PDE1A: variants seen among roughly 807,000 people sequenced by gnomAD.
PDE1A encodes dual specificity calcium/calmodulin-dependent 3',5'-cyclic nucleotide phosphodiesterase 1A.
PDE1A carries 35 observed loss-of-function variants against 61.7 expected under a neutral mutation model. That is an observed-to-expected ratio of 0.57 (90% CI 0.43 to 0.75). The LOEUF (loss-of-function observed/expected upper bound fraction) is 0.75, where lower values mean the gene tolerates loss of function less well. Ranked by LOEUF, PDE1A falls within the 30% of genes least tolerant of loss-of-function variation. The pLI is 0.00. For synonymous variants in PDE1A, 232 were observed against 213.2 expected, an observed-to-expected ratio of 1.09 and a Z score of -0.77; for missense variants, 597 against 630.6, an observed-to-expected ratio of 0.95 and a Z score of 0.57.
chr2:182,634,391 G>A, the PDE1A span, among the ~76,000 whole-genome samples: 1 of 152,072 alleles, frequency 6.6e-6, no homozygotes, highest in Non-Finnish European at 1.5e-5. Context: ...AGAGAAAGCA[G>A]CTTTCTATCT....
At chr2:182,164,920 C>T (rs968235030), downstream of PDE1A, among the ~76,000 whole-genome samples, 2 of 151,920 alleles carry the variant, frequency 1.3e-5, no homozygotes, top group Admixed American at 1.3e-4. Flanking sequence ...CCATCCTATT[C>T]CACACAGCAT....
intron 13 of PDE1A, among the ~76,000 whole-genome samples, chr2:182,156,355 T>TG (rs1691080993): frequency 6.6e-6 from 1 of 151,798 alleles, no homozygotes; most frequent in Non-Finnish European, 1.5e-5. Context: ...TTCAACACTT[T>TG]TTTTTTTTTA....
chr2:182,662,335 A>C, the PDE1A span, among the ~76,000 whole-genome samples: 1 of 73,478 alleles, frequency 1.4e-5, no homozygotes, highest in Non-Finnish European at 2.8e-5. Context: ...AAATTGAAAA[A>C]AAAAAGAAAA....
chr2:182,171,660 T>C (rs1692226273), intron 13 of PDE1A, among the ~76,000 whole-genome samples: 1 of 151,662 alleles, frequency 6.6e-6, no homozygotes, highest in East Asian at 1.9e-4. Flanking sequence ...GGAGCGGGGC[T>C]AATTATTGGG....
the PDE1A span, among the ~76,000 whole-genome samples, chr2:182,681,941 C>T: frequency 3.9e-5 from 6 of 152,170 alleles, no homozygotes; most frequent in Admixed American, 1.3e-4. Flanking sequence ...CCACCATGCC[C>T]GGCCTACTCT....
intron 1 of PDE1A, among the ~76,000 whole-genome samples, chr2:182,364,640 C>G (rs1699734154): frequency 6.6e-6 from 1 of 151,632 alleles, no homozygotes; most frequent in Non-Finnish European, 1.5e-5. Context: ...ATTTTAATAT[C>G]TTACTATATT....
Position 182,478,347 on chromosome 2 carries a change from G to GAA in PDE1A, c.101+43927_101+43928dup, listed in dbSNP as rs34019486. ...CTGAGCTGGTTATTCCTGCTATGCA[G>GAA]AAAAAAAAAAATAGTGCTCTATCAT... On this transcript the variant is annotated intron_variant, in intron 2 of 14. Transcript: ENST00000410103. Among the ~76,000 whole-genome samples, 97 of 148,390 alleles carry GAA rather than the reference G, an allele frequency of 6.5e-4. 1 individual carries two copies. Among genetic ancestry groups the GAA allele is most frequent in the African/African-American group, 2.4e-3 (97 of 40,602 alleles).
At chr2:182,708,258 C>G in the PDE1A span, among the ~76,000 whole-genome samples, 1 of 152,060 alleles carries the variant, frequency 6.6e-6, no homozygotes, top group African/African-American at 2.4e-5. Context: ...CCACCGGGTC[C>G]CTCCCACAAC....
At chr2:182,436,040 T>C (rs1192070539) in intron 2 of PDE1A, among the ~76,000 whole-genome samples, 1 of 152,072 alleles carries the variant, frequency 6.6e-6, no homozygotes, top group East Asian at 1.9e-4. Flanking sequence ...TTTGCCAGAC[T>C]TCCAATAGTG....
chr2:182,609,364 C>T, the PDE1A span, among the ~76,000 whole-genome samples: 1 of 152,238 alleles, frequency 6.6e-6, no homozygotes, highest in Non-Finnish European at 1.5e-5. Flanking sequence ...CTGCCCCAGC[C>T]AGCCTGGTAA....
chr2:182,617,014 T>C, the PDE1A span, among the ~76,000 whole-genome samples: 1 of 152,192 alleles, frequency 6.6e-6, no homozygotes, highest in East Asian at 1.9e-4. Context: ...AAAGAATTAA[T>C]CTTGCCCAAA....
the PDE1A span, among the ~76,000 whole-genome samples, chr2:182,665,198 C>T: frequency 7.2e-4 from 109 of 152,058 alleles, no homozygotes; most frequent in African/African-American, 2.5e-3. Context: ...AAAAAATGTA[C>T]ATGCTTACAA....
At chr2:182,255,635 CT>C (rs1418284931) in intron 2 of PDE1A, among the ~76,000 whole-genome samples, 3 of 151,010 alleles carry the variant, frequency 2.0e-5, no homozygotes, top group Admixed American at 2.0e-4. Context: ...TTCATCTACA[CT>C]TTTTCTTTTC....
At chr2:182,179,961 A>G (rs1212803012) in intron 13 of PDE1A, among the ~76,000 whole-genome samples, 1 of 152,216 alleles carries the variant, frequency 6.6e-6, no homozygotes, top group Non-Finnish European at 1.5e-5. Context: ...GATGATGAGC[A>G]AACATCTGGA....
At chr2:182,602,374 A>G in the PDE1A span, among the ~76,000 whole-genome samples, 56,952 of 152,102 alleles carry the variant, frequency 0.37, 10,892 homozygotes, top group African/African-American at 0.46. Flanking sequence ...TGGAGCGGCC[A>G]CTGCCATCAG....
At chr2:182,591,603 A>T in the PDE1A span, among the ~76,000 whole-genome samples, 1 of 152,034 alleles carries the variant, frequency 6.6e-6, no homozygotes, top group Admixed American at 6.6e-5. Context: ...GAGTGATGAG[A>T]TTTTATACAT....
At chr2:182,392,925 G>A (rs191852235) in intron 1 of PDE1A, among the ~76,000 whole-genome samples, 1 of 152,364 alleles carries the variant, frequency 6.6e-6, no homozygotes, top group African/African-American at 2.4e-5. Context: ...GCTTTCCTGA[G>A]CTAGTGTTGT....
At chr2:182,644,756 C>T in the PDE1A span, among the ~76,000 whole-genome samples, 2 of 152,072 alleles carry the variant, frequency 1.3e-5, no homozygotes, top group Admixed American at 6.5e-5. Flanking sequence ...GGCAGAATGA[C>T]TAGCACATGG....
chr2:182,449,529 T>C (rs1441941753), intron 2 of PDE1A, among the ~76,000 whole-genome samples: 2 of 152,084 alleles, frequency 1.3e-5, no homozygotes, highest in Non-Finnish European at 1.5e-5. Flanking sequence ...GTAGTTCAAA[T>C]ATTGTCAACA....
Sources: allele counts gnomAD v4.1 joint callset (sites outside exome capture counted in the v4.1 genomes callset), GRCh38; gene constraint gnomAD v4.1.1; transcripts MANE v1.5; gene names NCBI Gene and HGNC (gene_info 2026-07-23, HGNC 2026-07-21).